The following ZC3H12B variants were observed in gnomAD, a reference collection of about 807,000 sequenced individuals.
ZC3H12B encodes the protein probable ribonuclease ZC3H12B.
In ZC3H12B, 7 loss-of-function variants were observed where a neutral mutation model predicts 43.9. The observed-to-expected ratio is 0.16, with a 90% CI of 0.09 to 0.30. The LOEUF is 0.30. ZC3H12B is among the 10% of genes least tolerant of loss of function. The pLI, the probability that ZC3H12B is intolerant of heterozygous loss-of-function variation, is 1.00. For missense variants in ZC3H12B, 475 were observed against 670.2 expected, an observed-to-expected ratio of 0.71 and a Z score of 3.22; for synonymous variants, 222 against 241.7, an observed-to-expected ratio of 0.92 and a Z score of 0.76.
intron 2 of ZC3H12B, among the ~76,000 whole-genome samples, chrX:65,395,891 C>T (rs190827998): frequency 8.1e-5 from 9 of 111,431 alleles, no homozygotes; most frequent in Admixed American, 4.8e-4. Flanking sequence ...TTCAGGTATG[C>T]GACTTCTCTC....
At chrX:65,068,211 G>A in the ZC3H12B span, among the ~76,000 whole-genome samples, 1 of 105,962 alleles carries the variant, frequency 9.4e-6, no homozygotes, top group African/African-American at 3.5e-5. Context: ...TTTCATTGGA[G>A]AGTTTTGTCC....
At chrX:65,470,451 G>A (rs1428941049) in intron 3 of ZC3H12B, 1 of 111,056 alleles carries the variant, frequency 9.0e-6, no homozygotes, top group Non-Finnish European at 1.9e-5. Context: ...ATTTTAGAGA[G>A]GGAGGAAATG....
At chrX:65,102,927 T>A in the ZC3H12B span, among the ~76,000 whole-genome samples, 3 of 110,954 alleles carry the variant, frequency 2.7e-5, no homozygotes, top group Non-Finnish European at 5.7e-5. Flanking sequence ...GTCACAGAGA[T>A]CACATGCTTC....
the ZC3H12B span, among the ~76,000 whole-genome samples, chrX:65,253,425 C>T: frequency 8.9e-6 from 1 of 112,301 alleles, no homozygotes; most frequent in African/African-American, 3.2e-5. Context: ...GCTGCTTAGA[C>T]AGTTGATAGG....
At chrX:65,173,573 C>G in the ZC3H12B span, among the ~76,000 whole-genome samples, 3 of 111,449 alleles carry the variant, frequency 2.7e-5, no homozygotes, top group East Asian at 8.4e-4. Flanking sequence ...ATAAACAGCT[C>G]TTATTATTTT....
the ZC3H12B span, among the ~76,000 whole-genome samples, chrX:65,323,256 C>T: frequency 8.9e-6 from 1 of 112,016 alleles, no homozygotes; most frequent in East Asian, 2.8e-4. Context: ...AATTTCTCAA[C>T]ATTGAGTATA....
the ZC3H12B span, among the ~76,000 whole-genome samples, chrX:65,176,736 T>A: frequency 9.1e-6 from 1 of 109,757 alleles, no homozygotes; most frequent in Admixed American, 9.7e-5. Flanking sequence ...CAGGAAGAGG[T>A]CAAATCCCTG....
At chrX:65,191,690 T>C in the ZC3H12B span, among the ~76,000 whole-genome samples, 2 of 108,274 alleles carry the variant, frequency 1.8e-5, no homozygotes, top group East Asian at 5.8e-4. Flanking sequence ...TTCTTCTCTC[T>C]TTTTTTCTTT....
the ZC3H12B span, among the ~76,000 whole-genome samples, chrX:65,301,753 G>T: frequency 2.7e-5 from 3 of 111,244 alleles, no homozygotes; most frequent in Middle Eastern, 4.6e-3. Context: ...TGGGTACAGT[G>T]TACATCGCTC....
chrX:65,395,722 C>T (rs1250861975), intron 2 of ZC3H12B, among the ~76,000 whole-genome samples: 1 of 111,348 alleles, frequency 9.0e-6, no homozygotes, highest in Non-Finnish European at 1.9e-5. Flanking sequence ...GGGAGAAGTC[C>T]CATTTTTTCT....
chrX:65,231,535 C>G, the ZC3H12B span, among the ~76,000 whole-genome samples: 3 of 110,944 alleles, frequency 2.7e-5, no homozygotes, highest in Non-Finnish European at 5.7e-5. Context: ...AAAACAGATA[C>G]TCCCAGAGCG....
intron 2 of ZC3H12B, among the ~76,000 whole-genome samples, chrX:65,386,142 AG>A (rs1239134458): frequency 8.9e-6 from 1 of 112,039 alleles, no homozygotes; most frequent in Non-Finnish European, 1.9e-5. Context: ...TTTGGTAATC[AG>A]GATGTTGCTG....
At chrX:65,109,513 G>A in the ZC3H12B span, among the ~76,000 whole-genome samples, 1 of 111,808 alleles carries the variant, frequency 8.9e-6, no homozygotes, top group East Asian at 2.8e-4. Flanking sequence ...GCATGTGGTA[G>A]CCTGTATCAG....
intron 3 of ZC3H12B, among the ~76,000 whole-genome samples, chrX:65,441,449 G>T (rs1427911630): frequency 9.0e-6 from 1 of 111,643 alleles, no homozygotes; most frequent in African/African-American, 3.3e-5. Flanking sequence ...TCAGTAATTT[G>T]ATTTACCCAA....
chrX:65,266,791 C>G, the ZC3H12B span, among the ~76,000 whole-genome samples: 1 of 111,146 alleles, frequency 9.0e-6, no homozygotes, highest in African/African-American at 3.3e-5. Flanking sequence ...TTTGTTTCCT[C>G]TCAATCAGAA....
chrX:65,311,251 A>G, the ZC3H12B span, among the ~76,000 whole-genome samples: 2 of 112,109 alleles, frequency 1.8e-5, no homozygotes, highest in African/African-American at 6.5e-5. Context: ...CACCCCTCTG[A>G]CAAAGGGCTA....
the ZC3H12B span, among the ~76,000 whole-genome samples, chrX:65,266,534 TAAAAC>T: frequency 1.8e-5 from 2 of 112,004 alleles, no homozygotes; most frequent in Non-Finnish European, 3.8e-5. Flanking sequence ...GGAAAAAACT[TAAAAC>T]AACCAAAAAG....
At chrX:65,256,197 T>C in the ZC3H12B span, among the ~76,000 whole-genome samples, 1 of 112,129 alleles carries the variant, frequency 8.9e-6, no homozygotes, top group Admixed American at 9.4e-5. Flanking sequence ...CTGACAGACA[T>C]CTACAGAGCT....
chrX:65,256,055 T>C, the ZC3H12B span, among the ~76,000 whole-genome samples: 5 of 112,143 alleles, frequency 4.5e-5, no homozygotes, highest in Admixed American at 3.8e-4. Flanking sequence ...CAGAATCCTA[T>C]GAAGATATAT....
Sources: allele counts gnomAD v4.1 joint callset (sites outside exome capture counted in the v4.1 genomes callset), GRCh38; gene constraint gnomAD v4.1.1; transcripts MANE v1.5; gene names NCBI Gene and HGNC (gene_info 2026-07-23, HGNC 2026-07-21).